RHOBTB1: variants seen among roughly 807,000 people sequenced by gnomAD.
RHOBTB1 encodes rho-related BTB domain-containing protein 1.
A neutral mutation model predicts 71.6 loss-of-function variants in RHOBTB1; 40 were observed. The observed-to-expected ratio is 0.56, with a 90% confidence interval of 0.43 to 0.73. The LOEUF (loss-of-function observed/expected upper bound fraction) is 0.73, where lower values mean the gene tolerates loss of function less well. Ranked by LOEUF, RHOBTB1 falls within the 30% of genes least tolerant of loss-of-function variation. The probability of loss-of-function intolerance (pLI) is 0.00; values close to 1 mark genes in which losing one functional copy is unlikely to be tolerated. For missense variants in RHOBTB1, 797 were observed against 894.0 expected, an observed-to-expected ratio of 0.89 and a Z score of 1.38; for synonymous variants, 319 against 334.9, an observed-to-expected ratio of 0.95 and a Z score of 0.52.
intron 1 of RHOBTB1, among the ~76,000 whole-genome samples, chr10:60,995,738 C>T (rs556991943): frequency 1.3e-5 from 2 of 151,820 alleles, no homozygotes; most frequent in Non-Finnish European, 1.5e-5. Context: ...TTGTTTCTGC[C>T]CTTATTGTTT....
At chr10:60,998,657 T>G (rs1201697234) in intron 1 of RHOBTB1, among the ~76,000 whole-genome samples, 2 of 152,128 alleles carry the variant, frequency 1.3e-5, no homozygotes, top group Non-Finnish European at 2.9e-5. Context: ...GAGCATATGC[T>G]GGGATCCTGT....
chr10:60,879,264 C>A (rs554624019), intron 7 of RHOBTB1, among the ~76,000 whole-genome samples: 1 of 152,254 alleles, frequency 6.6e-6, no homozygotes, highest in Admixed American at 6.5e-5. Flanking sequence ...AGTTACAGAA[C>A]AATAAAGCAT....
At chr10:60,943,834 T>G (rs1332567247) in intron 1 of RHOBTB1, 137 bp downstream of exon 1, 1 of 151,944 alleles carries the variant, frequency 6.6e-6, no homozygotes, top group Non-Finnish European at 1.5e-5. Context: ...CCCACAACTC[T>G]CTCTCGGGGC....
chr10:60,987,735 CT>C (rs1451705702), intron 1 of RHOBTB1, among the ~76,000 whole-genome samples: 1 of 152,046 alleles, frequency 6.6e-6, no homozygotes, highest in Non-Finnish European at 1.5e-5. Flanking sequence ...ACAGGATAAA[CT>C]TTTCAAGTAC....
chr10:60,925,220 T>C (rs539294895), intron 2 of RHOBTB1, among the ~76,000 whole-genome samples: 1 of 152,226 alleles, frequency 6.6e-6, no homozygotes, highest in African/African-American at 2.4e-5. Context: ...CCATGCTTCA[T>C]GTAAAGACTG....
the RHOBTB1 span, among the ~76,000 whole-genome samples, chr10:60,862,513 GCTGT>G: frequency 9.1e-6 from 1 of 110,054 alleles, no homozygotes; most frequent in African/African-American, 4.1e-5. Context: ...GAAAGAATAC[GCTGT>G]CTCTCTCTCC....
chr10:60,925,736 G>A (rs1348688715), intron 2 of RHOBTB1, among the ~76,000 whole-genome samples: 1 of 152,162 alleles, frequency 6.6e-6, no homozygotes, highest in Non-Finnish European at 1.5e-5. Context: ...TGTTACAACT[G>A]ATACTGCTGA....
At chr10:60,929,136 G>T (rs1043073799) in intron 2 of RHOBTB1, among the ~76,000 whole-genome samples, 1 of 152,064 alleles carries the variant, frequency 6.6e-6, no homozygotes, top group Admixed American at 6.6e-5. Context: ...CTCCCACCAG[G>T]CCCCTCCTTC....
At chr10:60,930,177 A>T (rs1425999289) in intron 2 of RHOBTB1, among the ~76,000 whole-genome samples, 1 of 152,028 alleles carries the variant, frequency 6.6e-6, no homozygotes, top group Non-Finnish European at 1.5e-5. Context: ...CATCTTTAAG[A>T]AAAAAAATGA....
chr10:60,951,207 A>G (rs1377771477), intron 2 of RHOBTB1, among the ~76,000 whole-genome samples: 1 of 152,224 alleles, frequency 6.6e-6, no homozygotes, highest in Admixed American at 6.5e-5. Context: ...GTATATAGAT[A>G]CCACTTCAAA....
intron 1 of RHOBTB1, among the ~76,000 whole-genome samples, chr10:60,995,404 A>T (rs1407682794): frequency 6.6e-6 from 1 of 152,164 alleles, no homozygotes; most frequent in East Asian, 1.9e-4. Flanking sequence ...AGAGCACCCA[A>T]GATATCATTT....
At chr10:60,935,497 A>G (rs1042093281) in intron 2 of RHOBTB1, among the ~76,000 whole-genome samples, 5 of 152,062 alleles carry the variant, frequency 3.3e-5, no homozygotes, top group Admixed American at 1.3e-4. Flanking sequence ...TTTAGTTCAG[A>G]TTCCTGGGCC....
intron 3 of RHOBTB1, 111 bp from the exon 4 acceptor site, chr10:60,911,101 C>A: frequency 1.2e-6 from 1 of 851,034 alleles, no homozygotes; most frequent in South Asian, 1.5e-5. Context: ...ATTAAGTTTC[C>A]TTATTCTATC....
intron 1 of RHOBTB1, among the ~76,000 whole-genome samples, chr10:60,994,139 G>A (rs1053237869): frequency 2.6e-5 from 4 of 152,150 alleles, no homozygotes; most frequent in Non-Finnish European, 4.4e-5. Flanking sequence ...TTAATTCAAC[G>A]AATTGACAAA....
intron 2 of RHOBTB1, among the ~76,000 whole-genome samples, chr10:60,928,668 A>T (rs1468972696): frequency 6.6e-6 from 1 of 152,042 alleles, no homozygotes; most frequent in East Asian, 1.9e-4. Context: ...GTTAGTGGGT[A>T]AAAAATACAG....
chr10:60,910,887 C>G lies in RHOBTB1; in HGVS notation c.296G>C (p.Arg99Thr), dbSNP rs1430918611. 1 of 1,611,058 alleles carries G rather than the reference C, an allele frequency of 6.2e-7. No individual in the cohort carries two copies. Among genetic ancestry groups the G allele is most frequent in the Non-Finnish European group, 8.5e-7 (1 of 1,177,314 alleles). ...CCACGCTGTACTAGTCTTGGTTTAC[C>G]TGCCATATGCAAAGCGTCTGTCTTT... ...HHKDRRFAYG[R>T]SDVVVLCFSI... The change falls in exon 4 of 11, where the codon AGG becomes ACG. Residue 99 changes from arginine (R) to threonine (T), a missense_variant and splice_region_variant. Transcript: ENST00000337910.
At chr10:60,978,669 G>T (rs1023320411) in intron 2 of RHOBTB1, among the ~76,000 whole-genome samples, 1 of 152,126 alleles carries the variant, frequency 6.6e-6, no homozygotes, top group Non-Finnish European at 1.5e-5. Flanking sequence ...TTCTCAGCTC[G>T]CATCCAGAAA....
intron 2 of RHOBTB1, among the ~76,000 whole-genome samples, chr10:60,932,824 A>G (rs1338608542): frequency 2.0e-5 from 3 of 152,246 alleles, no homozygotes; most frequent in Non-Finnish European, 2.9e-5. Flanking sequence ...AAGGCTGTAG[A>G]CTATGGGTGT....
intron 2 of RHOBTB1, among the ~76,000 whole-genome samples, chr10:60,919,573 T>C (rs1013097212): frequency 3.9e-5 from 6 of 152,218 alleles, no homozygotes; most frequent in Non-Finnish European, 5.9e-5. Context: ...CAGGATAACA[T>C]TGCCTTCCAC....
Sources: gnomAD v4.1 joint callset for allele counts (sites outside exome capture counted in the v4.1 genomes callset) on GRCh38, gnomAD v4.1.1 for gene constraint, MANE v1.5 for transcripts, NCBI Gene and HGNC (gene_info 2026-07-23, HGNC 2026-07-21) for gene names.